FBXO8: variants seen among roughly 807,000 people sequenced by gnomAD.
FBXO8 encodes the protein F-box only protein 8.
A neutral mutation model predicts 33.4 loss-of-function variants in FBXO8; 15 were observed. That is an observed-to-expected ratio of 0.45 (90% CI 0.30 to 0.69). FBXO8 has a LOEUF of 0.69. Among genes scored for constraint, FBXO8 ranks in the 30% least tolerant of loss-of-function variants. FBXO8 has a pLI of 0.08. For missense variants in FBXO8, 274 were observed against 380.3 expected (o/e 0.72, Z 2.32); for synonymous variants, 132 against 131.5 (o/e 1.00, Z -0.02).
In FBXO8 at chr4:174,267,772, C is replaced by T; in HGVS notation, c.-8-4672G>A. On this transcript the variant is annotated intron_variant, in intron 1 of 5. Transcript: ENST00000393674. This position sits in a 1 kb window ranked among gnomAD's most constrained non-coding sequence, Gnocchi z 4.7. The stretch of plus-strand genomic sequence containing the variant: ...TGGTATAAAGATTTTAAAACTGAAA[C>T]ATAATATTATAAAAGATATATTACT... Among the ~76,000 whole-genome samples the T allele has an allele frequency of 6.6e-6, 1 of 151,980 alleles. No individual in the cohort carries two copies. Among genetic ancestry groups the T allele is most frequent in the Non-Finnish European group, 1.5e-5 (1 of 67,972 alleles).
intron 5 of FBXO8, among the ~76,000 whole-genome samples, chr4:174,238,143 C>A (rs932760955): frequency 6.6e-6 from 1 of 151,862 alleles, no homozygotes; most frequent in Non-Finnish European, 1.5e-5. Context: ...TTAATATTCT[C>A]ATTTAAGATG....
chr4:174,282,863 A>G (rs953448586), intron 1 of FBXO8, among the ~76,000 whole-genome samples: 2 of 152,238 alleles, frequency 1.3e-5, no homozygotes, highest in Non-Finnish European at 2.9e-5. Flanking sequence ...CCAAATAAAT[A>G]TTGAGAACCT....
chr4:174,246,314 G>C (rs1217863832), intron 3 of FBXO8, among the ~76,000 whole-genome samples: 1 of 151,952 alleles, frequency 6.6e-6, no homozygotes, highest in African/African-American at 2.4e-5. Flanking sequence ...AAAAATCTCA[G>C]TGGGCTAAGT....
In FBXO8 at chr4:174,241,801, T is replaced by C. The variant is rs1337454085; in HGVS notation, c.457-583A>G. Among the ~76,000 whole-genome samples, 1 of 151,576 alleles carries C rather than the reference T, an allele frequency of 6.6e-6. No individual in the cohort carries two copies. The highest frequency in any genetic ancestry group is 1.5e-5 in the Non-Finnish European group (1 of 67,584). On this transcript the variant is annotated intron_variant, in intron 3 of 5. Coordinates refer to ENST00000393674, the MANE Select transcript of FBXO8 (RefSeq NM_012180.3). This position sits in a 1 kb window ranked among gnomAD's most constrained non-coding sequence, Gnocchi z 4.2. The stretch of plus-strand genomic sequence containing the variant: ...AACATTGCTATGTTCTACAAAAACC[T>C]AGCTACAATACACACTGAGGGAAAA...
At position 174,236,823 on chromosome 4, in the gene FBXO8, A is replaced by C. The variant is rs995132103; in HGVS notation, c.*589T>G. 1 of 152,060 alleles carries C rather than the reference A, an allele frequency of 6.6e-6. No homozygotes were observed. The highest frequency in any genetic ancestry group is 2.1e-4 in the South Asian group (1 of 4,828). The allele number at this position is 152,060 out of a possible 1,614,324, so 9.4% of individuals were successfully genotyped here. A position where few individuals can be genotyped will look rare whatever the true frequency, so the allele number is the denominator to read the frequency against. ...AATTTATATTATAAAAATAACTGCC[A>C]GTTTTGCATAGTAATATAGTAACAA... On this transcript the variant is annotated 3_prime_UTR_variant, in exon 6 of 6. Coordinates refer to ENST00000393674, the MANE Select transcript of FBXO8 (RefSeq NM_012180.3).
chr4:174,239,171 G>GGCT lies in FBXO8; in HGVS notation c.594_595insAGC (p.Asp198_Leu199insSer). ...TTTCTAAAATTATGCAATGTTACAA[G>GGCT]GTCATCCAAGACATCTCTCCTACAG... On this transcript the variant is annotated inframe_insertion, in exon 5 of 6. Coordinates refer to ENST00000393674, the MANE Select transcript of FBXO8 (RefSeq NM_012180.3). 1 of 1,580,978 alleles carries GGCT rather than the reference G, an allele frequency of 6.3e-7. No individual in the cohort carries two copies. Among genetic ancestry groups the GGCT allele is most frequent in the South Asian group, 1.2e-5 (1 of 85,778 alleles).
At chr4:174,248,467 G>A (rs992032948) in intron 3 of FBXO8, among the ~76,000 whole-genome samples, 1 of 151,870 alleles carries the variant, frequency 6.6e-6, no homozygotes, top group African/African-American at 2.4e-5. Context: ...AGTGAAAATT[G>A]GGAAAGAAAT....
In FBXO8 at chr4:174,237,376, C is replaced by T. The variant is rs974520132; in HGVS notation, c.*36G>A. 2 of 1,578,022 alleles carry T rather than the reference C, an allele frequency of 1.3e-6. No homozygotes were observed. The highest frequency in any genetic ancestry group is 3.4e-5 in the Admixed American group (2 of 58,622). On this transcript the variant is annotated 3_prime_UTR_variant, in exon 6 of 6. Transcript: ENST00000393674. The surrounding 1 kb of genome is among the most constrained non-coding windows in gnomAD (Gnocchi z 4.4). ...TGCTAAGTCCTTGGGTAGCTTTAGT[C>T]TGAAGTAAAAACTGAAGTCCTAGCA...
rs115148773 is a variant in FBXO8 at position 174,263,776 on chromosome 4, T to C, written c.-8-676A>G. Among the ~76,000 whole-genome samples the C allele has an allele frequency of 1.3e-3, 193 of 152,322 alleles. 1 individual carries two copies. Among genetic ancestry groups the C allele is most frequent in the African/African-American group, 4.6e-3 (190 of 41,584 alleles). On this transcript the variant is annotated intron_variant, in intron 1 of 5. Coordinates refer to ENST00000393674, the MANE Select transcript of FBXO8 (RefSeq NM_012180.3). The surrounding 1 kb of genome is among the most constrained non-coding windows in gnomAD (Gnocchi z 4.2). ...ATTGTAATTTAGAGAAATTTTCTAA[T>C]TCTTCTCCACAAATCCCTATGGATT...
At chr4:174,242,955 ACC>A (rs1736073983) in intron 3 of FBXO8, among the ~76,000 whole-genome samples, 2 of 151,594 alleles carry the variant, frequency 1.3e-5, no homozygotes, top group Admixed American at 1.3e-4. Flanking sequence ...CTTTATTCAT[ACC>A]TAAATCAGTA....
intron 1 of FBXO8, among the ~76,000 whole-genome samples, chr4:174,266,474 G>A (rs1736696604): frequency 6.6e-6 from 1 of 152,130 alleles, no homozygotes; most frequent in Non-Finnish European, 1.5e-5. Flanking sequence ...CATGAGTTTA[G>A]CATTTGGAGA....
chr4:174,263,016 G>A lies in FBXO8; in HGVS notation c.77C>T (p.Thr26Ile). The part of the protein sequence containing the change: ...QEGYSEQGYL[T>I]REQSRRMAAS... ...AGCCATTCTCCTGCTCTGCTCTCTG[G>A]TGAGGTAGCCTTGCTCACTGTAGCC... Residue 26 changes from threonine (T) to isoleucine (I), a missense_variant, in exon 2 of 6, where the codon ACC becomes ATC. Thr to Ile is a moderately conservative substitution (Grantham distance 89). This residue lies in a region of FBXO8 where 88 missense variants were observed against 86.9 expected (regional missense o/e 1.01). Coordinates refer to ENST00000393674, the MANE Select transcript of FBXO8 (RefSeq NM_012180.3). This position sits in a 1 kb window ranked among gnomAD's most constrained non-coding sequence, Gnocchi z 4.2. The A allele has an allele frequency of 6.2e-7, 1 of 1,613,986 alleles. No individual in the cohort carries two copies. Among genetic ancestry groups the A allele is most frequent in the South Asian group, 1.1e-5 (1 of 91,084 alleles).
Position 174,247,187 on chromosome 4 carries a change from A to G in FBXO8, c.457-5969T>C, listed in dbSNP as rs187030969. 3.3e-5 allele frequency among the ~76,000 whole-genome samples: 5 copies of G among 152,210 alleles called. No individual in the cohort carries two copies. Among genetic ancestry groups the G allele is most frequent in the African/African-American group, 9.6e-5 (4 of 41,570 alleles). On this transcript the variant is annotated intron_variant, in intron 3 of 5. Transcript: ENST00000393674. The surrounding 1 kb of genome is among the most constrained non-coding windows in gnomAD (Gnocchi z 4.6). Reference sequence around the variant, plus strand: ...TACTGAAAGTACTGTCTACTGCCACAGACACCTGGCACACACATTGTGTAA... The same window carrying G: ...TACTGAAAGTACTGTCTACTGCCACGGACACCTGGCACACACATTGTGTAA...
In FBXO8 at chr4:174,263,397, G is replaced by T. The variant is rs1355588418; in HGVS notation, c.-8-297C>A. On this transcript the variant is annotated intron_variant, in intron 1 of 5. Coordinates refer to ENST00000393674, the MANE Select transcript of FBXO8 (RefSeq NM_012180.3). This position sits in a 1 kb window ranked among gnomAD's most constrained non-coding sequence, Gnocchi z 4.2. ...CACGTGGTAAGATTTAAAAGTTACT[G>T]ATGTCCTTAATACTCTTACAAATTA... Among the ~76,000 whole-genome samples, 1 of 152,122 alleles carries T rather than the reference G, an allele frequency of 6.6e-6. No individual in the cohort carries two copies.
At chr4:174,268,653 G>A (rs984100491) in intron 1 of FBXO8, among the ~76,000 whole-genome samples, 67 of 152,256 alleles carry the variant, frequency 4.4e-4, no homozygotes, top group African/African-American at 8.9e-4. Flanking sequence ...AGCCAGGATG[G>A]TCTCCATCTC....
At position 174,261,593 on chromosome 4, in the gene FBXO8, T is replaced by C. The variant is rs1178909121; in HGVS notation, c.329+1171A>G. On this transcript the variant is annotated intron_variant, in intron 2 of 5. Coordinates refer to ENST00000393674, the MANE Select transcript of FBXO8 (RefSeq NM_012180.3). The surrounding 1 kb of genome is among the most constrained non-coding windows in gnomAD (Gnocchi z 4.1). Reference sequence around the variant, plus strand: ...TGAGTAAAAAATTAATAACATTTATTTTAAAGACTCCTCATTAACAGAATT... The same window carrying C: ...TGAGTAAAAAATTAATAACATTTATCTTAAAGACTCCTCATTAACAGAATT... 6.6e-6 allele frequency among the ~76,000 whole-genome samples: 1 copy of C among 151,998 alleles called. No homozygotes were observed.
rs1374229984 is a variant in FBXO8 at position 174,245,931 on chromosome 4, G to A, written c.457-4713C>T. Among the ~76,000 whole-genome samples, 1 of 151,882 alleles carries A rather than the reference G, an allele frequency of 6.6e-6. No homozygotes were observed. The highest frequency in any genetic ancestry group is 1.5e-5 in the Non-Finnish European group (1 of 67,912). ...CAGGTCAAAAAAAGTCAAAGAGGGTGTTGATTTGAAGAAAACAGTGATGAG... is the reference window on the plus strand; with the variant it reads ...CAGGTCAAAAAAAGTCAAAGAGGGTATTGATTTGAAGAAAACAGTGATGAG... On this transcript the variant is annotated intron_variant, in intron 3 of 5. Transcript: ENST00000393674. This position sits in a 1 kb window ranked among gnomAD's most constrained non-coding sequence, Gnocchi z 4.6.
Position 174,237,451 on chromosome 4 carries a change from A to T in FBXO8, c.921T>A (p.Leu307=). The T allele has an allele frequency of 6.2e-7, 1 of 1,613,714 alleles. No individual in the cohort carries two copies. Among genetic ancestry groups the T allele is most frequent in the Non-Finnish European group, 8.5e-7 (1 of 1,179,696 alleles). The change falls in exon 6 of 6, where the codon CTT becomes CTA. Residue 307 remains leucine (L), a synonymous_variant. Coordinates refer to ENST00000393674, the MANE Select transcript of FBXO8 (RefSeq NM_012180.3). The surrounding 1 kb of genome is among the most constrained non-coding windows in gnomAD (Gnocchi z 4.4). The part of the protein sequence containing the change: ...QNISEDFVGH[L]YDNIYLIGHV... Reference sequence around the variant, plus strand: ...GGCCAATAAGGTAGATATTGTCATAAAGATGCCCTACAAAATCTTCACTAA... The same window carrying T: ...GGCCAATAAGGTAGATATTGTCATATAGATGCCCTACAAAATCTTCACTAA...
rs1735904413 is a variant in FBXO8 at position 174,237,146 on chromosome 4, T to C, written c.*266A>G. 1 of 330,876 alleles carries C rather than the reference T, an allele frequency of 3.0e-6. No homozygotes were observed. The highest frequency in any genetic ancestry group is 9.1e-5 in the South Asian group (1 of 10,980). 20.5% of individuals were successfully genotyped at this position (330,876 alleles called of 1,614,324 possible). ...ACCATCTTTTAGAGTATAATGTCAG[T>C]TTATCATTCGTTAACAGCTGTGTTA... On this transcript the variant is annotated 3_prime_UTR_variant, in exon 6 of 6. Coordinates refer to ENST00000393674, the MANE Select transcript of FBXO8 (RefSeq NM_012180.3). The surrounding 1 kb of genome is among the most constrained non-coding windows in gnomAD (Gnocchi z 4.4).
Sources: allele counts gnomAD v4.1 joint callset (sites outside exome capture counted in the v4.1 genomes callset), GRCh38; gene constraint gnomAD v4.1.1; regional missense constraint gnomAD v4.1.1; non-coding constraint Gnocchi (gnomAD v3.1); transcripts MANE v1.5; gene names NCBI Gene and HGNC (gene_info 2026-07-23, HGNC 2026-07-21).